RORA: variants seen among roughly 807,000 people sequenced by gnomAD.
RORA encodes nuclear receptor ROR-alpha.
A neutral mutation model predicts 69.5 loss-of-function variants in RORA; 7 were observed. The observed-to-expected ratio is 0.10, with a 90% CI of 0.06 to 0.19. RORA has a LOEUF of 0.19. Among genes scored for constraint, RORA ranks in the 10% least tolerant of loss-of-function variants. RORA has a pLI of 1.00. For synonymous variants in RORA, 261 were observed against 240.8 expected (o/e 1.08, Z -0.78); for missense variants, 457 against 663.0 (o/e 0.69, Z 3.41).
chr15:60,584,454 T>C (rs919108932), intron 2 of RORA, among the ~76,000 whole-genome samples: 1 of 152,254 alleles, frequency 6.6e-6, no homozygotes, highest in African/African-American at 2.4e-5. Flanking sequence ...ATGTAGCTTA[T>C]AGCAAATGCA....
At chr15:61,129,450 AG>A (rs1271819520) in intron 1 of RORA, among the ~76,000 whole-genome samples, 1 of 151,902 alleles carries the variant, frequency 6.6e-6, no homozygotes, top group Non-Finnish European at 1.5e-5. Context: ...TAAGGAGAGG[AG>A]GTTATGGGGG....
intron 1 of RORA, among the ~76,000 whole-genome samples, chr15:61,062,650 C>T (rs148762792): frequency 1.7e-3 from 255 of 152,290 alleles, no homozygotes; most frequent in African/African-American, 5.9e-3. Flanking sequence ...GGAGCATTTG[C>T]ATATCATATG....
At chr15:60,553,494 C>G (rs895407343) in intron 2 of RORA, among the ~76,000 whole-genome samples, 2 of 152,106 alleles carry the variant, frequency 1.3e-5, no homozygotes, top group Non-Finnish European at 2.9e-5. Context: ...AAAGAATGGG[C>G]TAAGAGTCAG....
At chr15:60,722,835 T>C (rs2071310945) in intron 1 of RORA, among the ~76,000 whole-genome samples, 2 of 152,190 alleles carry the variant, frequency 1.3e-5, no homozygotes, top group African/African-American at 4.8e-5. Context: ...AAGACCCTCC[T>C]TCCCATTTCT....
intron 1 of RORA, among the ~76,000 whole-genome samples, chr15:61,022,046 A>T (rs1895554299): frequency 6.6e-6 from 1 of 152,204 alleles, no homozygotes; most frequent in Admixed American, 6.5e-5. Context: ...GTACTTACAC[A>T]AGGGACTACA....
At chr15:60,607,160 G>A (rs2068965814) in intron 2 of RORA, among the ~76,000 whole-genome samples, 1 of 152,136 alleles carries the variant, frequency 6.6e-6, no homozygotes, top group Non-Finnish European at 1.5e-5. Context: ...AAAAAGTATG[G>A]CAGCATGGAG....
intron 5 of RORA, among the ~76,000 whole-genome samples, chr15:60,506,662 G>A (rs2065513439): frequency 6.6e-6 from 1 of 152,094 alleles, no homozygotes; most frequent in African/African-American, 2.4e-5. Flanking sequence ...AGACCAGCCT[G>A]GCCAACATGG....
At position 60,629,102 on chromosome 15, in the gene RORA, T is replaced by C. The variant is rs551837220; in HGVS notation, c.196+49555A>G. 6.6e-5 allele frequency among the ~76,000 whole-genome samples: 10 copies of C among 151,716 alleles called. No individual in the cohort carries two copies. The South Asian group carries it at 2.1e-3, about 32-fold the overall frequency. ...CTCTGCAGACCTACACTATCTAAGA[T>C]AGGCTCCACCTGCCACTCTGTCTCA... On this transcript the variant is annotated intron_variant, in intron 2 of 10. Transcript: ENST00000335670.
At chr15:61,228,227 C>T (rs1456801980) in intron 1 of RORA, among the ~76,000 whole-genome samples, 1 of 152,196 alleles carries the variant, frequency 6.6e-6, no homozygotes, top group Non-Finnish European at 1.5e-5. Flanking sequence ...TTTGTAGACG[C>T]TCCCTCCGGA....
intron 1 of RORA, among the ~76,000 whole-genome samples, chr15:60,828,194 G>A (rs919589107): frequency 2.0e-5 from 3 of 152,154 alleles, no homozygotes; most frequent in Admixed American, 6.5e-5. Flanking sequence ...GCAGGAGGGA[G>A]TGCTGCTGGT....
In RORA at chr15:61,137,543, A is replaced by G. The variant is rs180821572; in HGVS notation, c.166+91510T>C. On this transcript the variant is annotated intron_variant, in intron 1 of 10. Coordinates refer to ENST00000335670, the MANE Select transcript of RORA (RefSeq NM_134261.3). The stretch of plus-strand genomic sequence containing the variant: ...TGGCCTCACTGAACCTGCAGTTAAA[A>G]GTGGCATCAGCTTGCAGCAGCAGTC... Among the ~76,000 whole-genome samples, 14 of 71,310 alleles carry G rather than the reference A, an allele frequency of 2.0e-4. No homozygotes were observed. In the East Asian group the frequency reaches 3.6e-3, roughly 18 times the overall value. 46.8% of individuals were successfully genotyped at this position (71,310 alleles called of 152,430 possible). A position where few individuals can be genotyped will look rare whatever the true frequency, so the allele number is the denominator to read the frequency against.
intron 1 of RORA, among the ~76,000 whole-genome samples, chr15:61,210,397 G>C (rs1006803511): frequency 2.0e-5 from 3 of 152,130 alleles, no homozygotes; most frequent in African/African-American, 7.2e-5. Context: ...AATAAGGCGA[G>C]TCTAAGACCT....
At chr15:60,978,568 T>C (rs879166998) in intron 1 of RORA, among the ~76,000 whole-genome samples, 1 of 152,188 alleles carries the variant, frequency 6.6e-6, no homozygotes, top group Non-Finnish European at 1.5e-5. Context: ...CTTATGTTTT[T>C]GGTGTGACAC....
At chr15:60,634,144 T>G (rs145072348) in intron 2 of RORA, among the ~76,000 whole-genome samples, 232 of 152,328 alleles carry the variant, frequency 1.5e-3, no homozygotes, top group African/African-American at 5.3e-3. Flanking sequence ...CTTTTTAATA[T>G]TATGTTTTTC....
At chr15:61,177,102 T>G (rs1309624039) in intron 1 of RORA, among the ~76,000 whole-genome samples, 1 of 152,230 alleles carries the variant, frequency 6.6e-6, no homozygotes, top group African/African-American at 2.4e-5. Context: ...ATTCAGTGTT[T>G]ATAACGCACC....
At chr15:61,076,730 C>A (rs2078455225) in intron 1 of RORA, among the ~76,000 whole-genome samples, 1 of 152,190 alleles carries the variant, frequency 6.6e-6, no homozygotes, top group Non-Finnish European at 1.5e-5. Context: ...CCAGATTGGG[C>A]TGCTCCAACC....
At chr15:60,514,053 ATTCC>A (rs1445325475) in intron 4 of RORA, among the ~76,000 whole-genome samples, 1 of 152,224 alleles carries the variant, frequency 6.6e-6, no homozygotes, top group Non-Finnish European at 1.5e-5. Context: ...GACGGTCTCT[ATTCC>A]TTAAAGTAGC....
chr15:60,908,794 C>T (rs1891618955), intron 1 of RORA, among the ~76,000 whole-genome samples: 1 of 152,100 alleles, frequency 6.6e-6, no homozygotes, highest in African/African-American at 2.4e-5. Context: ...GTGCCAGATA[C>T]CAAGAATTGA....
intron 1 of RORA, among the ~76,000 whole-genome samples, chr15:61,073,150 C>T (rs528366489): frequency 6.6e-5 from 10 of 152,318 alleles, no homozygotes; most frequent in African/African-American, 1.7e-4. Flanking sequence ...GGCCAAGGGC[C>T]GGACATGGTC....
Sources: allele counts gnomAD v4.1 joint callset (sites outside exome capture counted in the v4.1 genomes callset), GRCh38; gene constraint gnomAD v4.1.1; transcripts MANE v1.5; gene names NCBI Gene and HGNC (gene_info 2026-07-23, HGNC 2026-07-21).